Variants in DSCAM observed in about 807,000 individuals in gnomAD.
DSCAM encodes DS cell adhesion molecule, also known as cell adhesion molecule DSCAM.
A neutral mutation model predicts 217.7 loss-of-function variants in DSCAM; 47 were observed. That is an observed-to-expected ratio of 0.22 (90% CI 0.17 to 0.28). The LOEUF (loss-of-function observed/expected upper bound fraction) is 0.28, where lower values mean the gene tolerates loss of function less well. Ranked by LOEUF, DSCAM falls within the 10% of genes least tolerant of loss-of-function variation. The probability of loss-of-function intolerance (pLI) is 1.00; values close to 1 mark genes in which losing one functional copy is unlikely to be tolerated. For missense variants in DSCAM, 2,080 were observed against 2,618.3 expected, an observed-to-expected ratio of 0.79 and a Z score of 4.49; for synonymous variants, 1,056 against 1,015.3, an observed-to-expected ratio of 1.04 and a Z score of -0.76.
At chr21:40,565,536 C>T (rs1409724207) in intron 3 of DSCAM, among the ~76,000 whole-genome samples, 1 of 152,190 alleles carries the variant, frequency 6.6e-6, no homozygotes, top group Non-Finnish European at 1.5e-5. Flanking sequence ...ACATATCACA[C>T]TTACATTGGA....
intron 3 of DSCAM, among the ~76,000 whole-genome samples, chr21:40,667,692 T>C (rs2090220298): frequency 6.6e-6 from 1 of 152,114 alleles, no homozygotes. Flanking sequence ...AACTGATGGT[T>C]TTATAAGGGG....
At chr21:40,808,789 T>C (rs1008958032) in intron 1 of DSCAM, among the ~76,000 whole-genome samples, 1 of 152,130 alleles carries the variant, frequency 6.6e-6, no homozygotes, top group Non-Finnish European at 1.5e-5. Context: ...TCTCATAAAG[T>C]TGAAGAAGAC....
intron 11 of DSCAM, among the ~76,000 whole-genome samples, chr21:40,209,982 A>C (rs1453825895): frequency 6.6e-6 from 1 of 152,208 alleles, no homozygotes; most frequent in Non-Finnish European, 1.5e-5. Context: ...TTAAAAGTTA[A>C]GACGTTTTAT....
chr21:40,018,583 A>C (rs1051700654), intron 32 of DSCAM, among the ~76,000 whole-genome samples: 2 of 152,194 alleles, frequency 1.3e-5, no homozygotes, highest in African/African-American at 4.8e-5. Flanking sequence ...AGGGCTTATT[A>C]AACCTCCACA....
intron 1 of DSCAM, among the ~76,000 whole-genome samples, chr21:40,735,136 A>C (rs139853077): frequency 2.7e-3 from 410 of 152,328 alleles, no homozygotes; most frequent in Admixed American, 5.0e-3. Flanking sequence ...TATCACACTG[A>C]GGGTACTGAT....
intron 9 of DSCAM, among the ~76,000 whole-genome samples, chr21:40,299,643 G>A (rs987453668): frequency 8.5e-5 from 13 of 152,106 alleles, no homozygotes; most frequent in Admixed American, 3.3e-4. Context: ...TGAGACAGCT[G>A]CATCACCAGC....
At chr21:40,389,727 C>T (rs1041713720) in intron 3 of DSCAM, among the ~76,000 whole-genome samples, 4 of 152,136 alleles carry the variant, frequency 2.6e-5, no homozygotes, top group African/African-American at 9.7e-5. Flanking sequence ...TGGACAAGTA[C>T]TCTCGAGAAA....
At chr21:40,361,444 C>A (rs998844419) in intron 4 of DSCAM, among the ~76,000 whole-genome samples, 1 of 152,096 alleles carries the variant, frequency 6.6e-6, no homozygotes, top group Admixed American at 6.6e-5. Flanking sequence ...CATGGTGAAA[C>A]CCTGTCTCTA....
intron 3 of DSCAM, among the ~76,000 whole-genome samples, chr21:40,581,235 AAACCT>A (rs1344436433): frequency 5.3e-5 from 8 of 152,276 alleles, no homozygotes; most frequent in African/African-American, 1.9e-4. Context: ...AGGTGGCGGG[AAACCT>A]AGTTTTAGTC....
At chr21:40,444,851 C>G (rs2075661345) in intron 3 of DSCAM, among the ~76,000 whole-genome samples, 1 of 152,168 alleles carries the variant, frequency 6.6e-6, no homozygotes, top group Non-Finnish European at 1.5e-5. Context: ...TGCTGTCTAC[C>G]TCCATTCCCT....
At chr21:40,555,147 C>G (rs1322959557) in intron 3 of DSCAM, among the ~76,000 whole-genome samples, 2 of 152,178 alleles carry the variant, frequency 1.3e-5, no homozygotes, top group African/African-American at 4.8e-5. Context: ...TCCTCACTTT[C>G]CAGAAAGCCT....
intron 10 of DSCAM, among the ~76,000 whole-genome samples, chr21:40,293,682 C>T (rs572718731): frequency 2.7e-4 from 41 of 152,230 alleles, no homozygotes; most frequent in African/African-American, 9.4e-4. Flanking sequence ...ATTAGCCAGG[C>T]TTGGTGGTGT....
intron 1 of DSCAM, among the ~76,000 whole-genome samples, chr21:40,822,792 T>A (rs747331510): frequency 1.4e-4 from 21 of 152,200 alleles, no homozygotes. Flanking sequence ...TTTCAATAAG[T>A]ACAAAACTAT....
intron 3 of DSCAM, among the ~76,000 whole-genome samples, chr21:40,667,829 A>G (rs957881502): frequency 3.3e-5 from 5 of 152,174 alleles, no homozygotes; most frequent in African/African-American, 7.2e-5. Context: ...CTGTGAGTCA[A>G]TTAAACCTCT....
intron 11 of DSCAM, among the ~76,000 whole-genome samples, chr21:40,241,476 G>T (rs1314102172): frequency 6.6e-6 from 1 of 152,104 alleles, no homozygotes; most frequent in Non-Finnish European, 1.5e-5. Flanking sequence ...TTATTAAAAA[G>T]TCTAAAAAAA....
At position 40,648,265 on chromosome 21, in the gene DSCAM, A is replaced by ACACACACACACC. The variant is rs1226341611; in HGVS notation, c.508+44544_508+44545insGGTGTGTGTGTG. Among the ~76,000 whole-genome samples the ACACACACACACC allele has an allele frequency of 8.3e-4, 124 of 149,146 alleles. 1 individual carries two copies. Among genetic ancestry groups the ACACACACACACC allele is most frequent in the African/African-American group, 2.9e-3 (115 of 39,306 alleles). ...CATATCCCTGTACACACACACACAC[A>ACACACACACACC]CACACACACACACACACTCACACAC... On this transcript the variant is annotated intron_variant, in intron 3 of 32. Coordinates refer to ENST00000400454, the MANE Select transcript of DSCAM (RefSeq NM_001389.5).
intron 3 of DSCAM, among the ~76,000 whole-genome samples, chr21:40,557,974 T>C (rs563056411): frequency 6.6e-6 from 1 of 152,316 alleles, no homozygotes. Flanking sequence ...TATCTTATTG[T>C]GTAGCTTCAC....
rs1003512579 is a variant in DSCAM, at chr21:40,662,108, G to A, written c.508+30702C>T. Reference sequence around the variant, plus strand: ...AGGTTACCTGAAGCCTGAGGAATAAGCACATTACGTTGTTAAAACAAACAA... The same window carrying A: ...AGGTTACCTGAAGCCTGAGGAATAAACACATTACGTTGTTAAAACAAACAA... On this transcript the variant is annotated intron_variant, in intron 3 of 32. Coordinates refer to ENST00000400454, the MANE Select transcript of DSCAM (RefSeq NM_001389.5). Among the ~76,000 whole-genome samples the A allele has an allele frequency of 2.3e-5, 3 of 131,070 alleles. No homozygotes were observed. In the East Asian group the frequency reaches 7.4e-4, roughly 32 times the overall value. 86.0% of individuals were successfully genotyped at this position (131,070 alleles called of 152,430 possible). A position where few individuals can be genotyped will look rare whatever the true frequency, so the allele number is the denominator to read the frequency against.
intron 3 of DSCAM, among the ~76,000 whole-genome samples, chr21:40,479,133 A>G (rs1034914330): frequency 6.6e-6 from 1 of 152,196 alleles, no homozygotes; most frequent in African/African-American, 2.4e-5. Context: ...AGGCATTTCA[A>G]CGTCTAAGTA....
Sources: allele counts gnomAD v4.1 joint callset (sites outside exome capture counted in the v4.1 genomes callset), GRCh38; gene constraint gnomAD v4.1.1; transcripts MANE v1.5; gene names NCBI Gene and HGNC (gene_info 2026-07-23, HGNC 2026-07-21).